Variants in TTN observed in about 807,000 individuals in gnomAD.
TTN encodes the protein titin, also known as connectin.
A neutral mutation model predicts 3,223.0 loss-of-function variants in TTN; 1,525 were observed. The ratio of observed to expected loss-of-function variants is 0.47; its 90% CI spans 0.45 to 0.49. The LOEUF (loss-of-function observed/expected upper bound fraction) is 0.49. Ranked by LOEUF, TTN falls within the 20% of genes least tolerant of loss-of-function variation. The pLI is 0.00. For missense variants in TTN, 40,786 were observed against 43,424.0 expected, an observed-to-expected ratio of 0.94 and a Z score of 5.40; for synonymous variants, 14,094 against 15,161.0, an observed-to-expected ratio of 0.93 and a Z score of 5.17.
In TTN at chr2:178,530,736, T is replaced by A; in HGVS notation, c.105879A>T (p.Lys35293Asn). Residue 35293 changes from lysine (K) to asparagine (N), a missense_variant, in exon 358 of 363, where the codon AAA becomes AAT. Physicochemically the swap from Lys to Asn is moderately conservative, Grantham distance 94. Coordinates refer to ENST00000589042, the MANE Select transcript of TTN (RefSeq NM_001267550.2). Reference protein sequence around the residue: ...SAPPKITQFLKAEASKEIAKL... With the variant: ...SAPPKITQFLNAEASKEIAKL... ...TTGCAATCTCTTTAGAAGCTTCTGC[T>A]TTCAGGAACTGAGTAATCTTTGGTG... 1 of 1,613,978 alleles carries A rather than the reference T, an allele frequency of 6.2e-7. No individual in the cohort carries two copies.
chr2:178,664,686 G>T lies in TTN; in HGVS notation c.36170C>A (p.Pro12057His), dbSNP rs374834199. 8 of 1,612,392 alleles carry T rather than the reference G, an allele frequency of 5.0e-6. No homozygotes were observed. In the African/African-American group the frequency reaches 1.1e-4, roughly 22 times the overall value. The change falls in exon 167 of 363, where the codon CCT becomes CAT. Residue 12057 changes from proline (P) to histidine (H), a missense_variant. Coordinates refer to ENST00000589042, the MANE Select transcript of TTN (RefSeq NM_001267550.2). ...AGGAAGGACTTCAGGCTTTCTGAGA[G>T]GAACCACAAGCGTTTTCTTTTCAGG... ...IVPEKKTLVV[P>H]LRKPEVLPDE...
chr2:178,551,305 C>G (rs543238242), intron 335 of TTN, 45 bp from the exon 336 acceptor site: 1 of 1,536,216 alleles, frequency 6.5e-7, no homozygotes, highest in East Asian at 2.3e-5. Context: ...CATTTGTAAC[C>G]AGGTCTTAAT....
intron 8 of TTN, 85 bp downstream of exon 8, chr2:178,794,314 A>G (rs2093658012): frequency 3.2e-6 from 5 of 1,585,042 alleles, no homozygotes; most frequent in Non-Finnish European, 4.3e-6. Context: ...GCACAGCTGC[A>G]TGCCAAGCTC....
At position 178,620,260 on chromosome 2, in the gene TTN, C is replaced by T. The variant is rs1182471718; in HGVS notation, c.46261G>A (p.Val15421Ile). The change falls in exon 248 of 363, where the codon GTA (valine) becomes ATA (isoleucine). Residue 15421 changes from valine to isoleucine, a missense_variant. Val to Ile is a conservative substitution (Grantham distance 29, BLOSUM62 3). Transcript: ENST00000589042. The stretch of plus-strand genomic sequence containing the variant: ...TCTCTCCCATTTCTGTACCATTTTA[C>T]ATTGGCTTTCTCTCTGGAGAGCTGG... ...SCQLSREKAN[V>I]KWYRNGREIK... The T allele has an allele frequency of 6.5e-7, 1 of 1,540,978 alleles. No homozygotes were observed. The highest frequency in any genetic ancestry group is 2.1e-5 in the Admixed American group (1 of 48,220).
Position 178,618,251 on chromosome 2 carries a change from T to C in TTN, c.47207A>G (p.Asn15736Ser), listed in dbSNP as rs2057709379. The change falls in exon 252 of 363, where the codon AAC becomes AGC. Residue 15736 changes from asparagine (N) to serine (S), a missense_variant. Coordinates refer to ENST00000589042, the MANE Select transcript of TTN (RefSeq NM_001267550.2). ...VEYLFRVSAR[N>S]RVGTGEPVET... ...TACTGGCTCACCAGTGCCAACTCTGTTTCTTGCACTCACACGGAATAGGTA... is the reference window on the plus strand; with the variant it reads ...TACTGGCTCACCAGTGCCAACTCTGCTTCTTGCACTCACACGGAATAGGTA... 6.2e-7 allele frequency: 1 copy of C among 1,612,734 alleles called. No individual in the cohort carries two copies. The highest frequency in any genetic ancestry group is 8.5e-7 in the Non-Finnish European group (1 of 1,179,192).
chr2:178,718,340 C>T lies in TTN; in HGVS notation c.24766G>A (p.Ala8256Thr), dbSNP rs772515770. The change falls in exon 85 of 363, where the codon GCT (alanine) becomes ACT (threonine). Residue 8256 changes from alanine to threonine, a missense_variant. Coordinates refer to ENST00000589042, the MANE Select transcript of TTN (RefSeq NM_001267550.2). ...ENEAGQDICE[A>T]LVSVLEPPYF... ...AACACACCTAAGACAGACACCAGAGCTTCACAGATATCTTGACCAGCCTCA... is the reference window on the plus strand; with the variant it reads ...AACACACCTAAGACAGACACCAGAGTTTCACAGATATCTTGACCAGCCTCA... 6.2e-7 allele frequency: 1 copy of T among 1,613,454 alleles called. No individual in the cohort carries two copies. Among genetic ancestry groups the T allele is most frequent in the Admixed American group, 1.7e-5 (1 of 60,008 alleles).
chr2:178,625,179 A>T (rs1354463012), intron 241 of TTN, 94 bp downstream of exon 241: 1 of 1,425,306 alleles, frequency 7.0e-7, no homozygotes, highest in Non-Finnish European at 9.4e-7. Flanking sequence ...GATTTTAAAC[A>T]TCTATAGTAC....
chr2:178,777,263 A>C lies in TTN; in HGVS notation c.4700T>G (p.Ile1567Arg). The C allele has an allele frequency of 6.2e-7, 1 of 1,614,048 alleles. No homozygotes were observed. Among genetic ancestry groups the C allele is most frequent in the Non-Finnish European group, 8.5e-7 (1 of 1,179,952 alleles). Residue 1567 changes from isoleucine (I) to arginine (R), a missense_variant, in exon 27 of 363, where the codon ATA (isoleucine) becomes AGA (arginine). Transcript: ENST00000589042. ...CATTTCAAGTCGGGAACCTTCCTTTATATTGACATTTTTCAGTTTTTCTAC... is the reference window on the plus strand; with the variant it reads ...CATTTCAAGTCGGGAACCTTCCTTTCTATTGACATTTTTCAGTTTTTCTAC... The part of the protein sequence containing the change: ...MFVEKLKNVN[I>R]KEGSRLEMKV...
At position 178,527,597 on chromosome 2, in the gene TTN, C is replaced by A; in HGVS notation, c.107529G>T (p.Met35843Ile). The change falls in exon 362 of 363, where the codon ATG (methionine) becomes ATT (isoleucine). Residue 35843 changes from methionine (M) to isoleucine (I), a missense_variant. Physicochemically the swap from Met to Ile is conservative, Grantham distance 10. Transcript: ENST00000589042. ...ACATGCTTGCAAATTTCATCTCAGT[C>A]ATGCTGCTAGCACTGCTGCTGCTGA... is the stretch of plus-strand genomic sequence containing the variant. ...SSFSSSSASS[M>I]TEMKFASMSA... 6.2e-7 allele frequency: 1 copy of A among 1,614,028 alleles called. No homozygotes were observed. The highest frequency in any genetic ancestry group is 1.1e-5 in the South Asian group (1 of 91,074).
At chr2:178,688,632 G>T in intron 126 of TTN, 45 bp downstream of exon 126, 1 of 1,306,476 alleles carries the variant, frequency 7.7e-7, no homozygotes, top group South Asian at 1.2e-5. Context: ...AGACTTTGAG[G>T]AAACACACAC....
chr2:178,527,485 C>T lies in TTN; in HGVS notation c.107641G>A (p.Glu35881Lys). 1 of 1,613,958 alleles carries T rather than the reference C, an allele frequency of 6.2e-7. No homozygotes were observed. The highest frequency in any genetic ancestry group is 8.5e-7 in the Non-Finnish European group (1 of 1,179,840). ...TTAAGCATTTTACTAGTTGAGCTTTCCAGTTGTGTCATATTAGATATTCCC... is the reference window on the plus strand; with the variant it reads ...TTAAGCATTTTACTAGTTGAGCTTTTCAGTTGTGTCATATTAGATATTCCC... ...FMGISNMTQL[E>K]SSTSKMLKAG... Residue 35881 changes from glutamate (E) to lysine (K), a missense_variant, in exon 362 of 363, where the codon GAA (glutamate) becomes AAA (lysine). Physicochemically the swap from Glu to Lys is moderately conservative, Grantham distance 56 (BLOSUM62 1). Coordinates refer to ENST00000589042, the MANE Select transcript of TTN (RefSeq NM_001267550.2).
chr2:178,688,163 A>C lies in TTN; in HGVS notation c.32259T>G (p.Tyr10753Ter). 2.5e-6 allele frequency: 4 copies of C among 1,612,984 alleles called. No homozygotes were observed. Among genetic ancestry groups the C allele is most frequent in the Non-Finnish European group, 3.4e-6 (4 of 1,179,718 alleles). Residue 10753 changes from tyrosine (Y) to a stop codon, truncating the protein, a stop_gained, in exon 127 of 363, where the codon TAT becomes TAG. Coordinates refer to ENST00000589042, the MANE Select transcript of TTN (RefSeq NM_001267550.2). LOFTEE classifies it high-confidence loss of function. Reference sequence around the variant, plus strand: ...CCTCCTCCTCTCTTTCTTCTTCTCTATAAACTGAAATGGACACACCTTCCT... The same window carrying C: ...CCTCCTCCTCTCTTTCTTCTTCTCTCTAAACTGAAATGGACACACCTTCCT... ...EEEEGVSISV[Y>*]REEEREEEEE...
rs2055544893 is a variant in TTN, at chr2:178,608,773, TTTGTC to T, written c.52233_52237del (p.Lys17413ArgfsTer12). ...GACAACAATCCATTCTGAGTCGGGT[TTTGTC>T]TTGTCTTTCTTTTCCAAAGTGTAGT... On this transcript the variant is annotated frameshift_variant, in exon 274 of 363. Transcript: ENST00000589042. LOFTEE classifies it high-confidence loss of function. 1 of 1,612,612 alleles carries T rather than the reference TTTGTC, an allele frequency of 6.2e-7. No individual in the cohort carries two copies. The highest frequency in any genetic ancestry group is 8.5e-7 in the Non-Finnish European group (1 of 1,179,212).
rs1553690569 is a variant in TTN, at chr2:178,609,225, C to T, written c.52085G>A (p.Cys17362Tyr). ...ENDHGIAKAPCTVSVLDTPGP... is the reference protein window; with the variant it reads ...ENDHGIAKAPYTVSVLDTPGP... ...TGACTCACCTAACACACTGACAGTA[C>T]AAGGAGCTTTTGCAATACCGTGGTC... Residue 17362 changes from cysteine (C) to tyrosine (Y), a missense_variant, in exon 273 of 363, where the codon TGT becomes TAT. Transcript: ENST00000589042. 2.0e-6 allele frequency: 3 copies of T among 1,519,510 alleles called. No individual in the cohort carries two copies. The highest frequency in any genetic ancestry group is 2.6e-6 in the Non-Finnish European group (3 of 1,138,310). The allele number at this position is 1,519,510 out of a possible 1,614,324, so 94.1% of individuals were successfully genotyped here. A position where few individuals can be genotyped will look rare whatever the true frequency, so the allele number is the denominator to read the frequency against.
rs752558645 is a variant in TTN at position 178,794,468 on chromosome 2, G to C, written c.1329C>G (p.Ile443Met). The C allele has an allele frequency of 5.0e-6, 8 of 1,614,086 alleles. No individual in the cohort carries two copies. Among genetic ancestry groups the C allele is most frequent in the Non-Finnish European group, 6.8e-6 (8 of 1,180,018 alleles). Reference protein sequence around the residue: ...VDMARVREPVISAVEQTAQRT... With the variant: ...VDMARVREPVMSAVEQTAQRT... ...TCTGAGCAGTCTGCTCTACAGCGCT[G>C]ATCACTGGTTCTCTCACTCTGGCCA... Residue 443 changes from isoleucine (I) to methionine (M), a missense_variant, in exon 8 of 363, where the codon ATC becomes ATG. By Grantham distance (10) the Ile-to-Met change is conservative (BLOSUM62 1). Coordinates refer to ENST00000589042, the MANE Select transcript of TTN (RefSeq NM_001267550.2).
Position 178,549,403 on chromosome 2 carries a change from T to C in TTN, c.92223A>G (p.Ala30741=). ...CACTGCCACCATCTGATTCTGGCCT[T>C]GCCCATGTCAGGGTAATGCTGTTGC... The part of the protein sequence containing the change: ...ITGNSITLTW[A]RPESDGGSEI... The change falls in exon 339 of 363, where the codon GCA becomes GCG. Residue 30741 remains alanine (A), a synonymous_variant. Transcript: ENST00000589042. 1 of 1,613,782 alleles carries C rather than the reference T, an allele frequency of 6.2e-7. No homozygotes were observed. The highest frequency in any genetic ancestry group is 8.5e-7 in the Non-Finnish European group (1 of 1,179,758).
chr2:178,796,392 C>T (rs2093769314), intron 6 of TTN, among the ~76,000 whole-genome samples: 1 of 152,118 alleles, frequency 6.6e-6, no homozygotes, highest in South Asian at 2.1e-4. Context: ...TCTAATTAAG[C>T]TCAAGGTACA....
intron 277 of TTN, 33 bp downstream of exon 277, chr2:178,607,368 A>G: frequency 6.2e-7 from 1 of 1,612,704 alleles, no homozygotes; most frequent in Non-Finnish European, 8.5e-7. Flanking sequence ...TCACTTGGGA[A>G]AATCCTGTGA....
At position 178,707,696 on chromosome 2, in the gene TTN, A is replaced by C; in HGVS notation, c.28871T>G (p.Leu9624Trp). The C allele has an allele frequency of 6.2e-7, 1 of 1,613,992 alleles. No individual in the cohort carries two copies. Among genetic ancestry groups the C allele is most frequent in the South Asian group, 1.1e-5 (1 of 91,076 alleles). The change falls in exon 100 of 363, where the codon TTG becomes TGG. Residue 9624 changes from leucine (L) to tryptophan (W), a missense_variant. By Grantham distance (61) the Leu-to-Trp change is moderately conservative. Coordinates refer to ENST00000589042, the MANE Select transcript of TTN (RefSeq NM_001267550.2). The part of the protein sequence containing the change: ...QGSEPIRIQW[L>W]KAGREIKPSD... ...AGGCTTTATTTCCCTGCCAGCCTTC[A>C]ACCACTGGATCCTAATTGGCTCAGA...
Sources: gnomAD v4.1 joint callset for allele counts (sites outside exome capture counted in the v4.1 genomes callset) on GRCh38, gnomAD v4.1.1 for gene constraint, MANE v1.5 for transcripts, NCBI Gene and HGNC (gene_info 2026-07-23, HGNC 2026-07-21) for gene names.